The following RIC1 variants were observed in gnomAD, a reference collection of about 807,000 sequenced individuals.
RIC1 encodes guanine nucleotide exchange factor subunit RIC1.
Under a neutral mutation model 169.0 loss-of-function variants are expected in RIC1, and 88 were observed. That is an observed-to-expected ratio of 0.52 (90% CI 0.44 to 0.62). RIC1 has a LOEUF of 0.62. RIC1 is among the 20% of genes least tolerant of loss of function. The probability of loss-of-function intolerance (pLI) is 0.00; values close to 1 mark genes in which losing one functional copy is unlikely to be tolerated. For missense variants in RIC1, 1,877 were observed against 1,725.5 expected, an observed-to-expected ratio of 1.09 and a Z score of -1.56; for synonymous variants, 790 against 601.5, an observed-to-expected ratio of 1.31 and a Z score of -4.59.
chr9:5,629,469 C>G lies in RIC1; in HGVS notation c.144+16C>G. The G allele has an allele frequency of 6.6e-7, 1 of 1,524,030 alleles. No individual in the cohort carries two copies. The highest frequency in any genetic ancestry group is 8.8e-7 in the Non-Finnish European group (1 of 1,141,240). 94.4% of individuals were successfully genotyped at this position (1,524,030 alleles called of 1,614,324 possible). A position where few individuals can be genotyped will look rare whatever the true frequency, so the allele number is the denominator to read the frequency against. ...GTACAGCCGAGTAAGTAGAGCCGCC[C>G]GCCGCCTTTCGCCGCTGCCTCCCCG... On this transcript the variant is annotated intron_variant, in intron 1 of 25. Transcript: ENST00000414202.
At chr9:5,663,672 C>A (rs570133056) in intron 2 of RIC1, among the ~76,000 whole-genome samples, 36 of 152,098 alleles carry the variant, frequency 2.4e-4, no homozygotes, top group Non-Finnish European at 4.4e-4. Flanking sequence ...GGTAAATTTT[C>A]CTCCATCCCT....
chr9:5,743,503 C>A lies in RIC1; in HGVS notation c.1047-186C>A, dbSNP rs914448473. On this transcript the variant is annotated intron_variant, in intron 9 of 25. Coordinates refer to ENST00000414202, the MANE Select transcript of RIC1 (RefSeq NM_020829.4). ...CTCTGGCAAGAAGTCACTTGGACCT[C>A]GGAAAATGTGGCTGAGAGATATATA... Among the ~76,000 whole-genome samples the A allele has an allele frequency of 3.3e-5, 5 of 152,056 alleles. No homozygotes were observed. In the East Asian group the frequency reaches 9.6e-4, roughly 29 times the overall value.
intron 23 of RIC1, among the ~76,000 whole-genome samples, chr9:5,771,167 T>A (rs1244194165): frequency 6.6e-6 from 1 of 152,180 alleles, no homozygotes; most frequent in Non-Finnish European, 1.5e-5. Flanking sequence ...CAGAATGCTC[T>A]TCATCTTCAA....
rs777853314 is a variant in RIC1, at chr9:5,643,315, C to A, written c.145-13268C>A. On this transcript the variant is annotated intron_variant, in intron 1 of 25. Transcript: ENST00000414202. ...ATACTGCTTTTTCTTCTATGGCTTT[C>A]TTTTTTTCATAGATCATGTCAATAT... Among the ~76,000 whole-genome samples, 40 of 152,156 alleles carry A rather than the reference C, an allele frequency of 2.6e-4. 1 individual carries two copies. The highest frequency in any genetic ancestry group is 4.6e-4 in the Non-Finnish European group (31 of 67,980).
At chr9:5,655,609 C>T (rs775931675) in intron 1 of RIC1, among the ~76,000 whole-genome samples, 10 of 151,640 alleles carry the variant, frequency 6.6e-5, no homozygotes, top group South Asian at 6.3e-4. Context: ...CCTTGCTCAG[C>T]GTTTTTATCT....
In RIC1 at chr9:5,754,900, G is replaced by A. The variant is rs772310578; in HGVS notation, c.1662G>A (p.Ala554=). ...GGTGGAATGATTTTATGGTCCTTGC[G>A]TGTTATAACATAAATGACCGTCAAG... is the stretch of plus-strand genomic sequence containing the variant. ...LAWWNDFMVL[A]CYNINDRQEE... Residue 554 remains alanine, a synonymous_variant, in exon 15 of 26, where the codon GCG becomes GCA. Coordinates refer to ENST00000414202, the MANE Select transcript of RIC1 (RefSeq NM_020829.4). The A allele has an allele frequency of 4.9e-5, 77 of 1,566,046 alleles. 1 individual carries two copies. The highest frequency in any genetic ancestry group is 4.4e-4 in the Admixed American group (26 of 59,572).
chr9:5,655,581 A>G (rs1302961552), intron 1 of RIC1, among the ~76,000 whole-genome samples: 3 of 152,202 alleles, frequency 2.0e-5, no homozygotes, highest in Non-Finnish European at 2.9e-5. Context: ...GATTACAGGC[A>G]TGAGCCGTGG....
In RIC1 at chr9:5,629,423, C is replaced by G. The variant is rs375389900; in HGVS notation, c.114C>G (p.Ala38=). The G allele has an allele frequency of 3.3e-6, 5 of 1,533,828 alleles. No individual in the cohort carries two copies. Among genetic ancestry groups the G allele is most frequent in the Non-Finnish European group, 4.4e-6 (5 of 1,146,044 alleles). Residue 38 remains alanine (A), a synonymous_variant, in exon 1 of 26, where the codon GCC becomes GCG. Transcript: ENST00000414202. ...AGAGGGCTTTCTTCGCCGTGCTGGC[C>G]GCGGCCCGCCTCAGCATCTGGTACA... The part of the protein sequence containing the change: ...DPQRAFFAVL[A]AARLSIWYSR...
At chr9:5,750,513 C>T (rs1825658395) in intron 12 of RIC1, among the ~76,000 whole-genome samples, 2 of 151,840 alleles carry the variant, frequency 1.3e-5, no homozygotes, top group South Asian at 2.1e-4. Context: ...GTATTTGGCA[C>T]AGAACAAATC....
chr9:5,714,412 A>C (rs1409827235), intron 4 of RIC1, among the ~76,000 whole-genome samples: 2 of 152,196 alleles, frequency 1.3e-5, no homozygotes. Flanking sequence ...TTTTCATCCA[A>C]GTATGAATAA....
intron 2 of RIC1, among the ~76,000 whole-genome samples, chr9:5,679,515 T>G (rs767676152): frequency 1.7e-4 from 26 of 152,320 alleles, no homozygotes; most frequent in African/African-American, 5.1e-4. Flanking sequence ...TTTTATTTCA[T>G]TGGGCAGTGC....
rs143531235 is a variant in RIC1 at position 5,637,119 on chromosome 9, G to A, written c.144+7666G>A. Among the ~76,000 whole-genome samples the A allele has an allele frequency of 8.2e-3, 1,247 of 152,218 alleles. 14 individuals are homozygous for A. Among genetic ancestry groups the A allele is most frequent in the African/African-American group, 0.029 (1,204 of 41,528 alleles). ...CAGTTGCCCAGGTTGGAGTGCAGTG[G>A]CACAATCTCAGCTCACTGCAATCTC... On this transcript the variant is annotated intron_variant, in intron 1 of 25. Transcript: ENST00000414202.
chr9:5,762,457 C>G, intron 17 of RIC1, 84 bp from the exon 18 acceptor site: 1 of 1,513,118 alleles, frequency 6.6e-7, no homozygotes, highest in South Asian at 1.2e-5. Flanking sequence ...ATTGTTTGAC[C>G]TATAAACCTT....
intron 2 of RIC1, among the ~76,000 whole-genome samples, chr9:5,672,124 A>G (rs1820144180): frequency 6.6e-6 from 1 of 152,218 alleles, no homozygotes; most frequent in Admixed American, 6.5e-5. Context: ...GCCTCAGCTC[A>G]GCAGTATGTG....
chr9:5,707,467 A>G (rs1299630383), intron 3 of RIC1, among the ~76,000 whole-genome samples: 1 of 152,106 alleles, frequency 6.6e-6, no homozygotes, highest in African/African-American at 2.4e-5. Context: ...AAAGTGGGGT[A>G]TTGAAGTCTC....
chr9:5,735,523 C>T (rs1824645633), intron 7 of RIC1, among the ~76,000 whole-genome samples: 1 of 152,172 alleles, frequency 6.6e-6, no homozygotes, highest in Non-Finnish European at 1.5e-5. Context: ...TTTTCAGTCA[C>T]CTCAGTTTTC....
intron 7 of RIC1, among the ~76,000 whole-genome samples, chr9:5,734,732 T>C (rs943106627): frequency 1.4e-5 from 2 of 138,458 alleles, no homozygotes; most frequent in Non-Finnish European, 3.4e-5. Flanking sequence ...CTTGACTCAC[T>C]TAGTAACTGG....
At chr9:5,660,660 A>G (rs1819397865) in intron 2 of RIC1, among the ~76,000 whole-genome samples, 3 of 151,680 alleles carry the variant, frequency 2.0e-5, no homozygotes, top group African/African-American at 7.3e-5. Flanking sequence ...TCTTTTGAGA[A>G]GTGTCTGTTC....
chr9:5,761,918 A>G (rs569048173), intron 17 of RIC1, among the ~76,000 whole-genome samples: 77 of 152,344 alleles, frequency 5.1e-4, no homozygotes, highest in African/African-American at 1.7e-3. Context: ...AACACCCATG[A>G]AATCTGCCTC....
Sources: gnomAD v4.1 joint callset for allele counts (sites outside exome capture counted in the v4.1 genomes callset) on GRCh38, gnomAD v4.1.1 for gene constraint, MANE v1.5 for transcripts, NCBI Gene and HGNC (gene_info 2026-07-23, HGNC 2026-07-21) for gene names.